Variants in RPSA2 observed in about 807,000 individuals in gnomAD.
The protein encoded by RPSA2 is ribosomal protein SA 2.
chr19:23,773,235 T>G, the RPSA2 span, among the ~76,000 whole-genome samples: 96 of 151,442 alleles, frequency 6.3e-4, 1 homozygote, highest in African/African-American at 2.2e-3. Context: ...TAGCTGGTAC[T>G]ACAGGTGCCT....
At chr19:23,817,009 A>G in the RPSA2 span, among the ~76,000 whole-genome samples, 1 of 36,680 alleles carries the variant, frequency 2.7e-5, no homozygotes, top group Non-Finnish European at 5.7e-5. Flanking sequence ...ATATCTTAAA[A>G]TTCAAACAAT....
the RPSA2 span, chr19:23,826,959 G>A: frequency 1.8e-6 from 1 of 570,430 alleles, no homozygotes; most frequent in Non-Finnish European, 3.1e-6. Flanking sequence ...CAAAGTGCTG[G>A]GATTACAGGT....
the RPSA2 span, among the ~76,000 whole-genome samples, chr19:23,764,353 C>G: frequency 6.6e-6 from 1 of 152,362 alleles, no homozygotes. Flanking sequence ...ACAACTTCCT[C>G]TCTCCAATTT....
chr19:23,767,531 A>G, the RPSA2 span, among the ~76,000 whole-genome samples: 1 of 152,192 alleles, frequency 6.6e-6, no homozygotes, highest in Non-Finnish European at 1.5e-5. Context: ...CAGTAAGGCA[A>G]TGCAAGAACC....
the RPSA2 span, among the ~76,000 whole-genome samples, chr19:23,787,604 A>G: frequency 2.6e-3 from 396 of 152,194 alleles, 4 homozygotes; most frequent in African/African-American, 8.6e-3. Context: ...GTGAGATTCC[A>G]TCTCAAAAAA....
chr19:23,790,660 C>T, the RPSA2 span: 11 of 341,752 alleles, frequency 3.2e-5, no homozygotes, highest in African/African-American at 1.8e-4. Context: ...CTCCAGGTGT[C>T]GTCTTCACTG....
chr19:23,794,828 T>C, the RPSA2 span, among the ~76,000 whole-genome samples: 1 of 152,232 alleles, frequency 6.6e-6, no homozygotes, highest in South Asian at 2.1e-4. Context: ...CAAATAAATA[T>C]TTCAGCCTTT....
At chr19:23,793,090 C>G in the RPSA2 span, among the ~76,000 whole-genome samples, 1 of 152,102 alleles carries the variant, frequency 6.6e-6, no homozygotes, top group African/African-American at 2.4e-5. Context: ...ATGTTGACTA[C>G]TGAAGACAAA....
the RPSA2 span, among the ~76,000 whole-genome samples, chr19:23,781,234 A>G: frequency 1.3e-5 from 2 of 151,968 alleles, no homozygotes; most frequent in Non-Finnish European, 2.9e-5. Flanking sequence ...CGGCCTCCCA[A>G]AGTGTTGGGA....
At chr19:23,771,397 C>T in the RPSA2 span, among the ~76,000 whole-genome samples, 5 of 152,206 alleles carry the variant, frequency 3.3e-5, no homozygotes, top group South Asian at 2.1e-4. Flanking sequence ...AAATCCAGAC[C>T]GTCATTGAGA....
chr19:23,857,827 A>AT, the RPSA2 span, among the ~76,000 whole-genome samples: 5 of 151,444 alleles, frequency 3.3e-5, no homozygotes, highest in East Asian at 1.9e-4. Flanking sequence ...CATTTCAATA[A>AT]TTTTTTTTTC....
At chr19:23,853,663 C>T in the RPSA2 span, among the ~76,000 whole-genome samples, 1 of 152,130 alleles carries the variant, frequency 6.6e-6, no homozygotes, top group African/African-American at 2.4e-5. Context: ...CCATGTTTTT[C>T]ATTATATGTT....
chr19:23,827,279 A>G, the RPSA2 span: 1,248 of 1,020,358 alleles, frequency 1.2e-3, 2 homozygotes, highest in Middle Eastern at 1.9e-3. Context: ...CTACATCTAT[A>G]AAAGGAAAAG....
chr19:23,837,233 A>G, the RPSA2 span, among the ~76,000 whole-genome samples: 1 of 152,034 alleles, frequency 6.6e-6, no homozygotes, highest in Non-Finnish European at 1.5e-5. Context: ...CCGTTTGTTG[A>G]AAAGGGTGTC....
chr19:23,852,049 T>A, the RPSA2 span, among the ~76,000 whole-genome samples: 1 of 152,188 alleles, frequency 6.6e-6, no homozygotes, highest in Non-Finnish European at 1.5e-5. Flanking sequence ...TAAATCATTA[T>A]GTTGAACTAT....
At chr19:23,828,193 TTATA>T in the RPSA2 span, 4 of 613,042 alleles carry the variant, frequency 6.5e-6, no homozygotes, top group Non-Finnish European at 1.1e-5. Flanking sequence ...ATGTGAAAGT[TTATA>T]TATGTGCTGC....
At chr19:23,824,552 T>C in the RPSA2 span, among the ~76,000 whole-genome samples, 1 of 148,264 alleles carries the variant, frequency 6.7e-6, no homozygotes. Flanking sequence ...ATTTTATTTT[T>C]AAGCAAAATT....
the RPSA2 span, among the ~76,000 whole-genome samples, chr19:23,865,671 C>G: frequency 2.0e-5 from 3 of 152,150 alleles, no homozygotes; most frequent in East Asian, 5.8e-4. Flanking sequence ...TCTGCCACCC[C>G]CTCCAATAAC....
At chr19:23,800,934 G>T in the RPSA2 span, among the ~76,000 whole-genome samples, 1 of 152,050 alleles carries the variant, frequency 6.6e-6, no homozygotes, top group Non-Finnish European at 1.5e-5. Flanking sequence ...AACTTAATAG[G>T]GCAGATATTA....
Sources: allele counts gnomAD v4.1 joint callset (sites outside exome capture counted in the v4.1 genomes callset), GRCh38; gene constraint gnomAD v4.1.1; transcripts MANE v1.5; gene names NCBI Gene and HGNC (gene_info 2026-07-23, HGNC 2026-07-21).